KCNIP4: variants seen among roughly 807,000 people sequenced by gnomAD.
KCNIP4 encodes potassium voltage-gated channel interacting protein 4, also known as Kv channel-interacting protein 4.
Under a neutral mutation model 34.0 loss-of-function variants are expected in KCNIP4, and 12 were observed. That is an observed-to-expected ratio of 0.35 (90% CI 0.23 to 0.57). The LOEUF (loss-of-function observed/expected upper bound fraction) is 0.57, where lower values mean the gene tolerates loss of function less well. KCNIP4 is among the 20% of genes least tolerant of loss of function. The probability of loss-of-function intolerance (pLI) is 0.83; values close to 1 mark genes in which losing one functional copy is unlikely to be tolerated. For missense variants in KCNIP4, 238 were observed against 311.7 expected (o/e 0.76, Z 1.78); for synonymous variants, 124 against 102.2 (o/e 1.21, Z -1.29).
chr4:21,046,741 G>T (rs1389554846), intron 1 of KCNIP4, among the ~76,000 whole-genome samples: 3 of 152,012 alleles, frequency 2.0e-5, no homozygotes, highest in Non-Finnish European at 4.4e-5. Flanking sequence ...ACAGGCACGC[G>T]CAACCACGCC....
At chr4:21,450,046 T>A (rs187493718) in intron 1 of KCNIP4, among the ~76,000 whole-genome samples, 1 of 152,130 alleles carries the variant, frequency 6.6e-6, no homozygotes, top group Non-Finnish European at 1.5e-5. Flanking sequence ...TTCCTCTTCA[T>A]TGGGAAAACA....
chr4:21,391,699 C>T (rs1021802740), intron 1 of KCNIP4, among the ~76,000 whole-genome samples: 3 of 152,170 alleles, frequency 2.0e-5, no homozygotes, highest in African/African-American at 7.2e-5. Context: ...GAAATTTGCA[C>T]TTTTCTGTCT....
At chr4:20,926,693 T>C (rs1380889722) in intron 1 of KCNIP4, among the ~76,000 whole-genome samples, 1 of 152,178 alleles carries the variant, frequency 6.6e-6, no homozygotes, top group African/African-American at 2.4e-5. Flanking sequence ...TAAGGCACAC[T>C]TGTGGGGCAC....
intron 1 of KCNIP4, among the ~76,000 whole-genome samples, chr4:21,479,184 G>A (rs1339061619): frequency 6.6e-6 from 1 of 152,120 alleles, no homozygotes; most frequent in Non-Finnish European, 1.5e-5. Context: ...AAGTCTGCCA[G>A]AAGACACCTA....
chr4:20,862,429 T>G (rs1241710666), intron 2 of KCNIP4, among the ~76,000 whole-genome samples: 3 of 152,076 alleles, frequency 2.0e-5, no homozygotes, highest in African/African-American at 7.2e-5. Context: ...AACAAGAAAT[T>G]TAATTGAACT....
intron 1 of KCNIP4, among the ~76,000 whole-genome samples, chr4:21,322,038 G>A (rs772151911): frequency 4.8e-4 from 66 of 137,694 alleles, no homozygotes; most frequent in Non-Finnish European, 8.1e-4. Context: ...AGAGGCAGGG[G>A]AGGAAGGAAG....
chr4:21,902,864 A>G (rs1727786095), intron 1 of KCNIP4, among the ~76,000 whole-genome samples: 1 of 152,186 alleles, frequency 6.6e-6, no homozygotes, highest in Non-Finnish European at 1.5e-5. Flanking sequence ...ATAGGAAGCC[A>G]CCGTATTTTC....
intron 1 of KCNIP4, among the ~76,000 whole-genome samples, chr4:21,776,798 T>G (rs553799686): frequency 3.9e-5 from 6 of 151,996 alleles, no homozygotes; most frequent in Non-Finnish European, 5.9e-5. Context: ...AGACAGAGAC[T>G]CCCTCTGTCA....
At chr4:20,830,514 G>A (rs1718291049) in intron 3 of KCNIP4, among the ~76,000 whole-genome samples, 1 of 152,112 alleles carries the variant, frequency 6.6e-6, no homozygotes, top group Non-Finnish European at 1.5e-5. Context: ...CCTAGGCTGT[G>A]ATTTTGAGAT....
At chr4:21,355,239 T>A (rs1047797881) in intron 1 of KCNIP4, among the ~76,000 whole-genome samples, 1 of 151,814 alleles carries the variant, frequency 6.6e-6, no homozygotes, top group Non-Finnish European at 1.5e-5. Context: ...ACAATTAAAA[T>A]AACTAGAGAA....
At chr4:21,932,817 A>G (rs973938993) in intron 1 of KCNIP4, among the ~76,000 whole-genome samples, 2 of 152,114 alleles carry the variant, frequency 1.3e-5, no homozygotes, top group African/African-American at 4.8e-5. Flanking sequence ...TAAGAAAAAA[A>G]GGAGACAAGC....
At chr4:21,112,348 G>A (rs1181062303) in intron 1 of KCNIP4, among the ~76,000 whole-genome samples, 4 of 152,212 alleles carry the variant, frequency 2.6e-5, no homozygotes, top group Non-Finnish European at 4.4e-5. Context: ...CATCATGATC[G>A]AGTCCTACTG....
intron 1 of KCNIP4, among the ~76,000 whole-genome samples, chr4:21,904,975 T>G (rs945098631): frequency 6.6e-6 from 1 of 152,118 alleles, no homozygotes; most frequent in Non-Finnish European, 1.5e-5. Context: ...TTTCAATAGA[T>G]GTTAGTGATT....
chr4:20,767,601 A>G (rs1011968889), intron 3 of KCNIP4, among the ~76,000 whole-genome samples: 2 of 152,204 alleles, frequency 1.3e-5, no homozygotes, highest in Non-Finnish European at 2.9e-5. Flanking sequence ...GTTGAAATGC[A>G]TGAGAAATAG....
chr4:20,992,977 G>A (rs1024769617), intron 1 of KCNIP4, among the ~76,000 whole-genome samples: 5 of 131,388 alleles, frequency 3.8e-5, no homozygotes, highest in Admixed American at 1.9e-4. Flanking sequence ...GCAGTGAGCC[G>A]AGATCATGCC....
intron 2 of KCNIP4, among the ~76,000 whole-genome samples, chr4:20,868,299 C>A (rs1723073358): frequency 6.6e-6 from 1 of 151,902 alleles, no homozygotes; most frequent in South Asian, 2.1e-4. Flanking sequence ...AATGAGATAC[C>A]ATCTCATACC....
intron 1 of KCNIP4, among the ~76,000 whole-genome samples, chr4:20,906,566 C>A (rs1727794254): frequency 1.3e-5 from 2 of 152,158 alleles, no homozygotes; most frequent in Admixed American, 1.3e-4. Context: ...CCCTTGCCTT[C>A]CAGATAAAGT....
intron 3 of KCNIP4, among the ~76,000 whole-genome samples, chr4:20,793,425 A>C (rs1243861547): frequency 3.3e-5 from 5 of 152,234 alleles, no homozygotes; most frequent in African/African-American, 1.2e-4. Context: ...AGGAAAGATT[A>C]GAAACACAAG....
intron 1 of KCNIP4, among the ~76,000 whole-genome samples, chr4:21,790,432 C>G (rs1720200533): frequency 6.6e-6 from 1 of 152,222 alleles, no homozygotes; most frequent in South Asian, 2.1e-4. Flanking sequence ...TTCACATACA[C>G]CAGAATAGGA....
Sources: gnomAD v4.1 joint callset for allele counts (sites outside exome capture counted in the v4.1 genomes callset) on GRCh38, gnomAD v4.1.1 for gene constraint, MANE v1.5 for transcripts, NCBI Gene and HGNC (gene_info 2026-07-23, HGNC 2026-07-21) for gene names.